ANAPC10: variants seen among roughly 807,000 people sequenced by gnomAD.
The protein encoded by ANAPC10 is anaphase-promoting complex subunit 10.
In ANAPC10, 12 loss-of-function variants were observed where a neutral mutation model predicts 22.0. The ratio of observed to expected loss-of-function variants is 0.55; its 90% CI spans 0.35 to 0.88. ANAPC10 has a LOEUF of 0.88. Ranked by LOEUF, ANAPC10 falls within the 40% of genes least tolerant of loss-of-function variation. The pLI is 0.01. For missense variants in ANAPC10, 188 were observed against 220.9 expected (o/e 0.85, Z 0.94); for synonymous variants, 65 against 69.5 (o/e 0.94, Z 0.32).
intron 3 of ANAPC10, among the ~76,000 whole-genome samples, chr4:145,067,013 AC>A (rs1743800597): frequency 6.6e-6 from 1 of 151,054 alleles, no homozygotes; most frequent in Admixed American, 6.7e-5. Flanking sequence ...CGTAAGGTTC[AC>A]GTACCCACAG....
chr4:145,046,044 T>A (rs1740249646), intron 4 of ANAPC10, among the ~76,000 whole-genome samples: 1 of 152,066 alleles, frequency 6.6e-6, no homozygotes, highest in Non-Finnish European at 1.5e-5. Flanking sequence ...TAAAAGCAAA[T>A]GCCCTGTTAC....
At chr4:144,998,566 T>C (rs1009473726) in intron 4 of ANAPC10, among the ~76,000 whole-genome samples, 3 of 152,094 alleles carry the variant, frequency 2.0e-5, no homozygotes, top group Non-Finnish European at 2.9e-5. Flanking sequence ...TCTTTGAAAC[T>C]AATGAGAACA....
intron 4 of ANAPC10, among the ~76,000 whole-genome samples, chr4:145,058,151 T>A (rs1357124316): frequency 6.6e-6 from 1 of 152,200 alleles, no homozygotes; most frequent in Non-Finnish European, 1.5e-5. Context: ...TACATCACAA[T>A]ATATGTGTTG....
At chr4:145,002,026 A>G (rs558027791) in intron 4 of ANAPC10, among the ~76,000 whole-genome samples, 2 of 152,130 alleles carry the variant, frequency 1.3e-5, no homozygotes, top group Non-Finnish European at 2.9e-5. Flanking sequence ...AGGAAAAACT[A>G]CTTGATAGTT....
chr4:145,054,643 G>GCA (rs1560884519), intron 4 of ANAPC10, among the ~76,000 whole-genome samples: 2 of 72,156 alleles, frequency 2.8e-5, no homozygotes, highest in Non-Finnish European at 7.1e-5. Flanking sequence ...GTGTGTGTGC[G>GCA]CGCGCGCGCG....
chr4:144,996,759 C>T (rs953680543), intron 4 of ANAPC10, among the ~76,000 whole-genome samples: 2 of 152,156 alleles, frequency 1.3e-5, no homozygotes, highest in African/African-American at 4.8e-5. Flanking sequence ...GAGAAGAAGG[C>T]TTCAGATGAT....
chr4:145,037,530 C>T (rs1738771823), intron 4 of ANAPC10, among the ~76,000 whole-genome samples: 1 of 152,046 alleles, frequency 6.6e-6, no homozygotes, highest in Non-Finnish European at 1.5e-5. Flanking sequence ...GATATCATGC[C>T]ACTGGATTAC....
At chr4:145,047,531 A>G (rs1469362576) in intron 4 of ANAPC10, among the ~76,000 whole-genome samples, 1 of 152,144 alleles carries the variant, frequency 6.6e-6, no homozygotes, top group Non-Finnish European at 1.5e-5. Context: ...TTTGAATTCC[A>G]TATCTGCCTT....
chr4:145,057,713 T>A (rs1447491414), intron 4 of ANAPC10, among the ~76,000 whole-genome samples: 3 of 152,098 alleles, frequency 2.0e-5, no homozygotes, highest in Non-Finnish European at 4.4e-5. Context: ...ATTATCTAAG[T>A]CCCTTTCTCT....
chr4:145,059,260 C>G lies in ANAPC10; in HGVS notation c.327+5312G>C, dbSNP rs145081854. ...ATTTTAATAGGAAATATTATTTTAT[C>G]AGAAGAACTGACATACTAACCACTT... On this transcript the variant is annotated intron_variant, in intron 4 of 4. Transcript: ENST00000507656. Among the ~76,000 whole-genome samples, 11 of 152,190 alleles carry G rather than the reference C, an allele frequency of 7.2e-5. No individual in the cohort carries two copies. The East Asian group carries it at 1.9e-3, about 27-fold the overall frequency.
intron 4 of ANAPC10, among the ~76,000 whole-genome samples, chr4:145,012,524 C>T (rs1734506306): frequency 6.6e-6 from 1 of 151,936 alleles, no homozygotes; most frequent in South Asian, 2.1e-4. Flanking sequence ...AAGAATTCAT[C>T]AGATTCATTT....
chr4:145,009,192 C>T (rs966586510), intron 4 of ANAPC10, among the ~76,000 whole-genome samples: 1 of 152,112 alleles, frequency 6.6e-6, no homozygotes, highest in African/African-American at 2.4e-5. Context: ...AGGACACAAA[C>T]AAATGGAAGA....
In ANAPC10 at chr4:144,995,596, T is replaced by A. The variant is rs1156877578; in HGVS notation, c.335A>T (p.Glu112Val). ...AATCCAGCCACTTGGTTCCACCAAC[T>A]CAAGTTGCTGCCAAGGGAAAAAAAA... is the stretch of plus-strand genomic sequence containing the variant. Reference protein sequence around the residue: ...FHNLQEIRQLELVEPSGWIHV... With the variant: ...FHNLQEIRQLVLVEPSGWIHV... Residue 112 changes from glutamate (E) to valine (V), a missense_variant, in exon 5 of 5, where the codon GAG becomes GTG. By Grantham distance (121) the Glu-to-Val change is moderately radical. Transcript: ENST00000507656. The A allele has an allele frequency of 6.2e-7, 1 of 1,604,158 alleles. No individual in the cohort carries two copies. The highest frequency in any genetic ancestry group is 8.5e-7 in the Non-Finnish European group (1 of 1,176,412).
intron 4 of ANAPC10, among the ~76,000 whole-genome samples, chr4:145,019,937 G>T (rs1282870891): frequency 6.6e-6 from 1 of 151,848 alleles, no homozygotes; most frequent in Non-Finnish European, 1.5e-5. Context: ...GATTGAAATG[G>T]TAATTTAAAA....
intron 4 of ANAPC10, among the ~76,000 whole-genome samples, chr4:145,028,230 G>T (rs745446801): frequency 6.6e-6 from 1 of 152,142 alleles, no homozygotes; most frequent in Non-Finnish European, 1.5e-5. Context: ...GCCTTAATCT[G>T]GTGGGCACAA....
chr4:145,027,010 T>A (rs1167957381), intron 4 of ANAPC10, among the ~76,000 whole-genome samples: 4 of 61,076 alleles, frequency 6.5e-5, no homozygotes, highest in Non-Finnish European at 1.3e-4. Flanking sequence ...TTTTTTTTTT[T>A]TTTTTTTTTT....
Position 144,995,066 on chromosome 4 carries a change from T to TAC in ANAPC10, c.*305_*306dup, listed in dbSNP as rs35927958. On this transcript the variant is annotated 3_prime_UTR_variant, in exon 5 of 5. Coordinates refer to ENST00000507656, the MANE Select transcript of ANAPC10 (RefSeq NM_001256706.2). Reference sequence around the variant, plus strand: ...CACCTAGCTATTATAATTGTGTATATACTGAAATTTTCAGTTCAACTCTTT... The same window carrying TAC: ...CACCTAGCTATTATAATTGTGTATATACACTGAAATTTTCAGTTCAACTCTTT... 2,215 of 201,388 alleles carry TAC rather than the reference T, an allele frequency of 0.011. 53 individuals are homozygous for TAC. Among genetic ancestry groups the TAC allele is most frequent in the African/African-American group, 0.049 (2,091 of 42,512 alleles). 12.5% of individuals were successfully genotyped at this position (201,388 alleles called of 1,614,324 possible).
chr4:145,016,066 G>A (rs1347375947), intron 4 of ANAPC10, among the ~76,000 whole-genome samples: 4 of 152,110 alleles, frequency 2.6e-5, no homozygotes, highest in East Asian at 3.9e-4. Context: ...GCACGAGACA[G>A]GGATGCCCTC....
intron 4 of ANAPC10, among the ~76,000 whole-genome samples, chr4:145,053,938 C>A (rs1426925986): frequency 1.3e-5 from 2 of 151,606 alleles, no homozygotes; most frequent in Non-Finnish European, 2.9e-5. Context: ...TAGATGAAGT[C>A]TCTCTCTGTC....
Sources: gnomAD v4.1 joint callset for allele counts (sites outside exome capture counted in the v4.1 genomes callset) on GRCh38, gnomAD v4.1.1 for gene constraint, MANE v1.5 for transcripts, NCBI Gene and HGNC (gene_info 2026-07-23, HGNC 2026-07-21) for gene names.